SLC35F2: variants seen among roughly 807,000 people sequenced by gnomAD.
SLC35F2 encodes the protein solute carrier family 35 member F2, also known as queuine/queuosine transporter SLC35F2.
SLC35F2 carries 25 observed loss-of-function variants against 38.1 expected under a neutral mutation model. The observed-to-expected ratio is 0.66, with a 90% CI of 0.48 to 0.92. The LOEUF (loss-of-function observed/expected upper bound fraction) is 0.92. Ranked by LOEUF, SLC35F2 falls within the 40% of genes least tolerant of loss-of-function variation. The pLI, the probability that SLC35F2 is intolerant of heterozygous loss-of-function variation, is 0.00. For missense variants in SLC35F2, 409 were observed against 452.9 expected (o/e 0.90, Z 0.88); for synonymous variants, 173 against 181.7 (o/e 0.95, Z 0.38).
chr11:107,806,950 G>T, intron 3 of SLC35F2, 74 bp from the exon 4 acceptor site: 2 of 1,373,524 alleles, frequency 1.5e-6, no homozygotes, highest in Non-Finnish European at 2.0e-6. Context: ...AGAAATAATA[G>T]GAGTCAGTAT....
intron 3 of SLC35F2, chr11:107,810,783 G>A: frequency 1.0e-6 from 1 of 980,660 alleles, no homozygotes; most frequent in Non-Finnish European, 1.2e-6. Flanking sequence ...GAAAAATACT[G>A]AGTTCTCATC....
chr11:107,818,071 AAAAAGAAAGAAAGAAAG>A (rs1287482693), intron 1 of SLC35F2, among the ~76,000 whole-genome samples: 1,120 of 105,806 alleles, frequency 0.011, 29 homozygotes, highest in South Asian at 0.019. Flanking sequence ...AAAAAAAAAA[AAAAAGAAAGAAAGAAAG>A]AAAGAAAGAA....
intron 1 of SLC35F2, among the ~76,000 whole-genome samples, chr11:107,823,561 C>T (rs1048292771): frequency 6.6e-6 from 1 of 152,198 alleles, no homozygotes; most frequent in Non-Finnish European, 1.5e-5. Flanking sequence ...TTCTCGCACT[C>T]TGCACATAAG....
At position 107,815,774 on chromosome 11, in the gene SLC35F2, T is replaced by C; in HGVS notation, c.286+16A>G. On this transcript the variant is annotated intron_variant, in intron 2 of 7. Transcript: ENST00000525815. ...AGATAATTTTGTTGAAAAGATAATT[T>C]CCACATTTGACATACCTGATCGAAA... 1 of 1,571,184 alleles carries C rather than the reference T, an allele frequency of 6.4e-7. No individual in the cohort carries two copies. The highest frequency in any genetic ancestry group is 2.3e-5 in the East Asian group (1 of 44,324).
intron 6 of SLC35F2, 32 bp from the exon 7 acceptor site, chr11:107,803,187 A>T: frequency 1.3e-6 from 2 of 1,573,754 alleles, no homozygotes; most frequent in South Asian, 2.4e-5. Context: ...ATCTAATATT[A>T]GGGCAAGAAA....
At chr11:107,830,789 A>T (rs557162321) in intron 1 of SLC35F2, among the ~76,000 whole-genome samples, 2 of 152,118 alleles carry the variant, frequency 1.3e-5, no homozygotes, top group Non-Finnish European at 1.5e-5. Context: ...CTTGCTAATC[A>T]GAAGTTCAGG....
chr11:107,832,316 C>G lies in SLC35F2; in HGVS notation c.111-16351G>C, dbSNP rs147492541. 7.3e-3 allele frequency among the ~76,000 whole-genome samples: 1,116 copies of G among 152,172 alleles called. 5 individuals carry two copies. Among genetic ancestry groups the G allele is most frequent in the Non-Finnish European group, 0.012 (850 of 68,016 alleles). ...ACTGGTTTATTCTATTCTGAATCTACGAGAACAAGAAAAGGCCTGGAGCCA... is the reference window on the plus strand; with the variant it reads ...ACTGGTTTATTCTATTCTGAATCTAGGAGAACAAGAAAAGGCCTGGAGCCA... On this transcript the variant is annotated intron_variant, in intron 1 of 7. Coordinates refer to ENST00000525815, the MANE Select transcript of SLC35F2 (RefSeq NM_017515.5).
intron 2 of SLC35F2, among the ~76,000 whole-genome samples, chr11:107,815,514 C>T (rs756304414): frequency 2.0e-5 from 3 of 150,044 alleles, no homozygotes; most frequent in Non-Finnish European, 4.5e-5. Context: ...GTCGAGATTG[C>T]ACCACTGCAC....
chr11:107,829,137 GA>G (rs145609131), intron 1 of SLC35F2, among the ~76,000 whole-genome samples: 4,539 of 128,570 alleles, frequency 0.035, 218 homozygotes, highest in African/African-American at 0.12. Flanking sequence ...AAAAAAAAAA[GA>G]AAAAAAAAAA....
At chr11:107,801,275 C>A (rs538962690) in intron 7 of SLC35F2, among the ~76,000 whole-genome samples, 53 of 152,196 alleles carry the variant, frequency 3.5e-4, no homozygotes, top group Non-Finnish European at 5.1e-4. Context: ...CTTGCAAGTG[C>A]ACAATGAAAT....
chr11:107,793,792 C>A (rs1859171740), intron 7 of SLC35F2, among the ~76,000 whole-genome samples: 1 of 152,106 alleles, frequency 6.6e-6, no homozygotes, highest in African/African-American at 2.4e-5. Flanking sequence ...ATCTCATACA[C>A]TCTCTGTTCC....
intron 1 of SLC35F2, among the ~76,000 whole-genome samples, chr11:107,824,731 C>G (rs1859727029): frequency 6.6e-6 from 1 of 152,196 alleles, no homozygotes; most frequent in Non-Finnish European, 1.5e-5. Flanking sequence ...AAGTACCTAG[C>G]ACATCCACCC....
chr11:107,851,262 CAAA>C (rs1282616961), intron 1 of SLC35F2, among the ~76,000 whole-genome samples: 1 of 117,796 alleles, frequency 8.5e-6, no homozygotes. Flanking sequence ...GATGCTGTCT[CAAA>C]AAAAAAAAAA....
chr11:107,851,463 C>G (rs948795675), intron 1 of SLC35F2, among the ~76,000 whole-genome samples: 6 of 89,746 alleles, frequency 6.7e-5, no homozygotes, highest in African/African-American at 2.7e-4. Flanking sequence ...AACTCCGTCT[C>G]AAAAAAAATA....
intron 1 of SLC35F2, among the ~76,000 whole-genome samples, chr11:107,849,133 T>C (rs1195246827): frequency 2.0e-5 from 3 of 152,144 alleles, no homozygotes; most frequent in African/African-American, 7.2e-5. Context: ...TTTTGTAGGA[T>C]TGTCATGAGG....
At chr11:107,803,395 G>A (rs1859344412) in intron 6 of SLC35F2, 1 of 985,194 alleles carries the variant, frequency 1.0e-6, no homozygotes, top group African/African-American at 1.7e-5. Flanking sequence ...GATGATCAAG[G>A]TCAGAAAATC....
chr11:107,848,093 G>A (rs548445441), intron 1 of SLC35F2, among the ~76,000 whole-genome samples: 12 of 152,076 alleles, frequency 7.9e-5, no homozygotes, highest in Non-Finnish European at 1.8e-4. Context: ...CAGAGTTTGG[G>A]ATAATAAACA....
At chr11:107,805,668 GTGTA>G (rs1859379683) in intron 4 of SLC35F2, 153 bp from the exon 5 acceptor site, 1 of 983,364 alleles carries the variant, frequency 1.0e-6, no homozygotes, top group Non-Finnish European at 1.2e-6. Context: ...GTGTGTGTGT[GTGTA>G]TGTGTGTGTG....
intron 1 of SLC35F2, among the ~76,000 whole-genome samples, chr11:107,820,265 A>T (rs1193514359): frequency 7.3e-6 from 1 of 137,352 alleles, no homozygotes; most frequent in African/African-American, 3.2e-5. Context: ...AAAAATAAAA[A>T]AAAAAAAATT....
Sources: gnomAD v4.1 joint callset for allele counts (sites outside exome capture counted in the v4.1 genomes callset) on GRCh38, gnomAD v4.1.1 for gene constraint, MANE v1.5 for transcripts, NCBI Gene and HGNC (gene_info 2026-07-23, HGNC 2026-07-21) for gene names.